CACNA1C: variants seen among roughly 807,000 people sequenced by gnomAD.
The protein encoded by CACNA1C is voltage-dependent L-type calcium channel subunit alpha-1C.
Under a neutral mutation model 229.0 loss-of-function variants are expected in CACNA1C, and 30 were observed. The ratio of observed to expected loss-of-function variants is 0.13; its 90% CI spans 0.10 to 0.18. The LOEUF (loss-of-function observed/expected upper bound fraction) is 0.18. CACNA1C is among the 10% of genes least tolerant of loss of function. CACNA1C has a pLI of 1.00. For missense variants in CACNA1C, 1,658 were observed against 2,845.0 expected, an observed-to-expected ratio of 0.58 and a Z score of 9.49; for synonymous variants, 1,114 against 1,132.5, an observed-to-expected ratio of 0.98 and a Z score of 0.33.
chr12:2,184,697 T>A (rs1297568582), intron 3 of CACNA1C, among the ~76,000 whole-genome samples: 1 of 152,124 alleles, frequency 6.6e-6, no homozygotes, highest in Admixed American at 6.5e-5. Context: ...GGAAGCAGAG[T>A]GAGAAGCAAG....
intron 3 of CACNA1C, among the ~76,000 whole-genome samples, chr12:2,378,533 GAGC>G (rs1201174421): frequency 6.6e-6 from 1 of 152,190 alleles, no homozygotes; most frequent in Non-Finnish European, 1.5e-5. Flanking sequence ...AGGCCCATGG[GAGC>G]CATCTACCCT....
At chr12:2,514,764 A>G (rs996604761) in intron 9 of CACNA1C, among the ~76,000 whole-genome samples, 1 of 152,198 alleles carries the variant, frequency 6.6e-6, no homozygotes, top group Non-Finnish European at 1.5e-5. Flanking sequence ...ATCCACCGAG[A>G]TAACAGAACG....
intron 9 of CACNA1C, among the ~76,000 whole-genome samples, chr12:2,518,607 CA>C (rs749239155): frequency 0.056 from 5,757 of 102,714 alleles, 122 homozygotes; most frequent in Middle Eastern, 0.11. Context: ...GACGCTGTCT[CA>C]AAAAAAAAAA....
chr12:2,508,116 C>T (rs918843682), intron 8 of CACNA1C, among the ~76,000 whole-genome samples: 4 of 152,244 alleles, frequency 2.6e-5, no homozygotes, highest in Non-Finnish European at 4.4e-5. Flanking sequence ...CTTCATGGCC[C>T]TTGAAAGAGA....
intron 3 of CACNA1C, among the ~76,000 whole-genome samples, chr12:2,257,819 C>T (rs1235207210): frequency 6.6e-6 from 1 of 152,204 alleles, no homozygotes. Flanking sequence ...CAAAGACAGC[C>T]TTGAAATGGT....
chr12:2,077,875 A>G (rs11062107), intron 1 of CACNA1C, among the ~76,000 whole-genome samples: 32,482 of 152,172 alleles, frequency 0.21, 3,760 homozygotes, highest in African/African-American at 0.3. Flanking sequence ...TGTATCAACC[A>G]CATGTGTGGC....
chr12:2,221,278 T>C (rs2061406628), intron 3 of CACNA1C, among the ~76,000 whole-genome samples: 1 of 152,196 alleles, frequency 6.6e-6, no homozygotes. Flanking sequence ...CGTGTCTTTT[T>C]TATTTTTAGA....
In CACNA1C at chr12:2,649,975, C is replaced by T. The variant is rs740727; in HGVS notation, c.3945+1468C>T. On this transcript the variant is annotated intron_variant, in intron 31 of 46. Transcript: ENST00000399655. The surrounding 1 kb of genome is among the most constrained non-coding windows in gnomAD (Gnocchi z 4.4). ...AGGTCATCAAAGGCTTCAGAACACA[C>T]AGGCAGGGAAGAGCCCAGGGCAGGA... 0.59 allele frequency among the ~76,000 whole-genome samples: 89,481 copies of T among 151,420 alleles called. 29,506 individuals carry two copies. Among genetic ancestry groups the T allele is most frequent in the Non-Finnish European group, 0.73 (49,713 of 67,936 alleles).
At chr12:2,543,592 A>G (rs557272979) in intron 9 of CACNA1C, among the ~76,000 whole-genome samples, 1 of 152,246 alleles carries the variant, frequency 6.6e-6, no homozygotes, top group Non-Finnish European at 1.5e-5. Flanking sequence ...GCAAATTAAT[A>G]GGCACTAATG....
At chr12:2,448,030 T>C (rs4765681) in intron 3 of CACNA1C, among the ~76,000 whole-genome samples, 81,448 of 152,194 alleles carry the variant, frequency 0.54, 22,406 homozygotes, top group East Asian at 0.79. Context: ...AGGCAGCCTT[T>C]GCCTGGTGGG....
chr12:2,653,544 T>TGTA lies in CACNA1C; in HGVS notation c.4075-288_4075-286dup, dbSNP rs2095233032. Among the ~76,000 whole-genome samples the TGTA allele has an allele frequency of 6.6e-6, 1 of 152,162 alleles. No individual in the cohort carries two copies. Among genetic ancestry groups the TGTA allele is most frequent in the Non-Finnish European group, 1.5e-5 (1 of 68,028 alleles). ...GCCTCGTACAGACACACCGCACATG[T>TGTA]GTAGTCGGAGGAGGTTTTGCTCGTT... On this transcript the variant is annotated intron_variant, in intron 32 of 46. Coordinates refer to ENST00000399655, the MANE Select transcript of CACNA1C (RefSeq NM_000719.7). The surrounding 1 kb of genome is among the most constrained non-coding windows in gnomAD (Gnocchi z 4.7).
chr12:2,239,408 G>C (rs2068850019), intron 3 of CACNA1C, among the ~76,000 whole-genome samples: 1 of 151,944 alleles, frequency 6.6e-6, no homozygotes. Context: ...GACACAGCTG[G>C]GGCACTGCTG....
chr12:2,126,819 G>A (rs1408368161), intron 3 of CACNA1C, among the ~76,000 whole-genome samples: 1 of 152,174 alleles, frequency 6.6e-6, no homozygotes, highest in Admixed American at 6.5e-5. Flanking sequence ...AAACTTCACA[G>A]GACATGCCCA....
At chr12:2,551,853 T>C (rs1424381455) in intron 10 of CACNA1C, among the ~76,000 whole-genome samples, 1 of 151,702 alleles carries the variant, frequency 6.6e-6, no homozygotes, top group African/African-American at 2.4e-5. Flanking sequence ...AAGAGGATAA[T>C]GAGGCAGAAG....
rs533872204 is a variant in CACNA1C, at chr12:2,004,117, A to G, written c.139+32916A>G. 11 of 968,962 alleles carry G rather than the reference A, an allele frequency of 1.1e-5. No homozygotes were observed. The African/African-American group carries it at 1.7e-4, about 15-fold the overall frequency. The allele number at this position is 968,962 out of a possible 1,614,324, so 60.0% of individuals were successfully genotyped here. Reference sequence around the variant, plus strand: ...CACAGATCCGCCTTCCTTCCCCCAAACCCCCGAGACCCCATCTCCACAACT... The same window carrying G: ...CACAGATCCGCCTTCCTTCCCCCAAGCCCCCGAGACCCCATCTCCACAACT... On this transcript the variant is annotated intron_variant, in intron 1 of 46. Transcript: ENST00000682462.
intron 1 of CACNA1C, among the ~76,000 whole-genome samples, chr12:1,997,438 T>G (rs1262343533): frequency 2.0e-5 from 3 of 152,218 alleles, no homozygotes; most frequent in Admixed American, 2.0e-4. Flanking sequence ...GAGAATCACT[T>G]GAACTCAGGA....
chr12:2,660,919 C>T (rs1278069926), intron 34 of CACNA1C: 1 of 151,922 alleles, frequency 6.6e-6, no homozygotes, highest in Non-Finnish European at 1.5e-5. Context: ...AACAGATTTC[C>T]AAGACATGGA....
rs567603491 is a variant in CACNA1C, at chr12:2,591,252, C to G, written c.2531-1961C>G. 2.0e-4 allele frequency among the ~76,000 whole-genome samples: 31 copies of G among 152,020 alleles called. No homozygotes were observed. The South Asian group carries it at 6.2e-3, about 31-fold the overall frequency. On this transcript the variant is annotated intron_variant, in intron 18 of 46. Transcript: ENST00000399655. ...TTTGCAGTACCTGGCTTTGTTTGAACCAGAAGAGGGAGAACATGCAGAGGC... is the reference window on the plus strand; with the variant it reads ...TTTGCAGTACCTGGCTTTGTTTGAAGCAGAAGAGGGAGAACATGCAGAGGC...
chr12:2,046,487 G>A (rs1216472321), intron 1 of CACNA1C, among the ~76,000 whole-genome samples: 2 of 152,122 alleles, frequency 1.3e-5, no homozygotes, highest in East Asian at 1.9e-4. Flanking sequence ...TAATTAGCAT[G>A]CACCACTGGC....
Sources: allele counts gnomAD v4.1 joint callset (sites outside exome capture counted in the v4.1 genomes callset), GRCh38; gene constraint gnomAD v4.1.1; non-coding constraint Gnocchi (gnomAD v3.1); transcripts MANE v1.5; gene names NCBI Gene and HGNC (gene_info 2026-07-23, HGNC 2026-07-21).